Variants in ACAD11 observed in about 807,000 individuals in gnomAD.
ACAD11 encodes the protein acyl-Coenzyme A dehydrogenase family, member 11.
Under a neutral mutation model 102.2 loss-of-function variants are expected in ACAD11, and 83 were observed. The ratio of observed to expected loss-of-function variants is 0.81; its 90% CI spans 0.68 to 0.97. The LOEUF (loss-of-function observed/expected upper bound fraction) is 0.97. Among genes scored for constraint, ACAD11 ranks in the 50% least tolerant of loss-of-function variants. The pLI, the probability that ACAD11 is intolerant of heterozygous loss-of-function variation, is 0.00. For synonymous variants in ACAD11, 324 were observed against 319.8 expected, an observed-to-expected ratio of 1.01 and a Z score of -0.14; for missense variants, 901 against 951.7, an observed-to-expected ratio of 0.95 and a Z score of 0.70.
chr3:132,582,339 T>A (rs1576558336), intron 13 of ACAD11, among the ~76,000 whole-genome samples: 2 of 145,164 alleles, frequency 1.4e-5, no homozygotes, highest in African/African-American at 2.5e-5. Context: ...CAGAAACTGT[T>A]AAAAAAAAAA....
chr3:132,590,400 G>A (rs1323924650), intron 13 of ACAD11, among the ~76,000 whole-genome samples: 1 of 152,124 alleles, frequency 6.6e-6, no homozygotes, highest in African/African-American at 2.4e-5. Flanking sequence ...TGGGATTACA[G>A]GCATGGCCAC....
rs1307851009 is a variant in ACAD11 at position 132,559,892 on chromosome 3, G to A, written c.2169C>T (p.Asp723=). 1 of 1,613,730 alleles carries A rather than the reference G, an allele frequency of 6.2e-7. No homozygotes were observed. The change falls in exon 19 of 20, where the codon GAC becomes GAT. Residue 723 remains aspartate (D), a synonymous_variant. Transcript: ENST00000264990. The stretch of plus-strand genomic sequence containing the variant: ...CACCTCCGCACACCTGGATGGCCCA[G>A]TCAACGATTTTGCTGACAGCCCGTG... ...AAPRAVSKIV[D]WAIQVCGGAG...
intron 11 of ACAD11, among the ~76,000 whole-genome samples, chr3:132,614,669 T>C (rs1310799470): frequency 6.6e-6 from 1 of 152,104 alleles, no homozygotes; most frequent in African/African-American, 2.4e-5. Context: ...TATGCAAAAA[T>C]TAACTCAAGA....
At chr3:132,616,028 C>A (rs1225147738) in intron 11 of ACAD11, among the ~76,000 whole-genome samples, 1 of 152,128 alleles carries the variant, frequency 6.6e-6, no homozygotes, top group African/African-American at 2.4e-5. Flanking sequence ...ACTTAAGAAA[C>A]CTCTCGAAGT....
chr3:132,623,274 T>C (rs894150350), intron 9 of ACAD11, among the ~76,000 whole-genome samples: 2 of 152,210 alleles, frequency 1.3e-5, no homozygotes, highest in Admixed American at 1.3e-4. Flanking sequence ...GTTAAAGTAT[T>C]GTATTATATG....
chr3:132,650,658 A>T, intron 1 of ACAD11, among the ~76,000 whole-genome samples: 1 of 152,196 alleles, frequency 6.6e-6, no homozygotes, highest in East Asian at 1.9e-4. Flanking sequence ...TAAAGTTGGC[A>T]TCACTAAAAA....
At chr3:132,571,694 TC>T (rs1485615804) in intron 17 of ACAD11, among the ~76,000 whole-genome samples, 1 of 152,070 alleles carries the variant, frequency 6.6e-6, no homozygotes, top group Non-Finnish European at 1.5e-5. Context: ...CAGCAACACA[TC>T]AAAAGGCTTA....
chr3:132,638,724 T>A (rs1471970398), intron 5 of ACAD11, among the ~76,000 whole-genome samples: 2 of 152,246 alleles, frequency 1.3e-5, no homozygotes, highest in East Asian at 3.8e-4. Flanking sequence ...TTCAGGCATA[T>A]GCTTTTATAA....
intron 5 of ACAD11, among the ~76,000 whole-genome samples, chr3:132,632,179 G>T (rs899156461): frequency 2.0e-5 from 3 of 151,720 alleles, no homozygotes; most frequent in Non-Finnish European, 2.9e-5. Context: ...CGCCTCCCGG[G>T]TTCACACCAT....
chr3:132,623,452 T>C (rs1939680683), intron 9 of ACAD11, among the ~76,000 whole-genome samples: 1 of 152,190 alleles, frequency 6.6e-6, no homozygotes, highest in Admixed American at 6.5e-5. Context: ...ACACAGAGAT[T>C]TGTATTGTTC....
chr3:132,584,451 GTC>G (rs1305310591), intron 13 of ACAD11, among the ~76,000 whole-genome samples: 2 of 152,134 alleles, frequency 1.3e-5, no homozygotes, highest in Non-Finnish European at 2.9e-5. Flanking sequence ...GCCTATGTGT[GTC>G]TCTGCACGTG....
At chr3:132,577,895 A>C (rs896901952) in intron 15 of ACAD11, among the ~76,000 whole-genome samples, 1 of 152,066 alleles carries the variant, frequency 6.6e-6, no homozygotes, top group Non-Finnish European at 1.5e-5. Context: ...GCAACCCAAC[A>C]ATTTCCTACA....
intron 5 of ACAD11, among the ~76,000 whole-genome samples, chr3:132,636,112 C>T (rs576675807): frequency 6.6e-6 from 1 of 152,050 alleles, no homozygotes; most frequent in Non-Finnish European, 1.5e-5. Context: ...AGCTATAAAA[C>T]AACAGCCAGT....
At chr3:132,588,137 TC>T (rs1485253850) in intron 13 of ACAD11, among the ~76,000 whole-genome samples, 1 of 152,146 alleles carries the variant, frequency 6.6e-6, no homozygotes, top group African/African-American at 2.4e-5. Flanking sequence ...AAATTTTGAC[TC>T]CCCTACAAAA....
chr3:132,651,113 A>G (rs750186972), intron 1 of ACAD11, among the ~76,000 whole-genome samples: 1 of 152,186 alleles, frequency 6.6e-6, no homozygotes, highest in Non-Finnish European at 1.5e-5. Flanking sequence ...TTTTTCCCAC[A>G]TCAGTCTTCT....
Position 132,632,595 on chromosome 3 carries a change from T to A in ACAD11, c.703-1116A>T, listed in dbSNP as rs140163451. On this transcript the variant is annotated intron_variant, in intron 5 of 19. Transcript: ENST00000264990. The stretch of plus-strand genomic sequence containing the variant: ...TGGTTCCATATGAACTTTAAAGCAG[T>A]TTTTTCCAATTCTGTGAAGAAAGTC... Among the ~76,000 whole-genome samples, 647 of 152,296 alleles carry A rather than the reference T, an allele frequency of 4.2e-3. 8 individuals are homozygous for A. Among genetic ancestry groups the A allele is most frequent in the African/African-American group, 0.014 (568 of 41,548 alleles).
intron 17 of ACAD11, among the ~76,000 whole-genome samples, chr3:132,561,468 T>C (rs1404475858): frequency 1.8e-4 from 27 of 152,194 alleles, no homozygotes; most frequent in Non-Finnish European, 4.4e-5. Flanking sequence ...AGAAAAATCA[T>C]TTATTTTGGA....
At chr3:132,611,511 G>A (rs1014936503) in intron 11 of ACAD11, among the ~76,000 whole-genome samples, 2 of 152,172 alleles carry the variant, frequency 1.3e-5, no homozygotes, top group African/African-American at 4.8e-5. Flanking sequence ...AAGCTGATAA[G>A]CCGCTTCAGC....
rs1382215895 is a variant in ACAD11, at chr3:132,613,460, C to T, written c.1414+5174G>A. Reference sequence around the variant, plus strand: ...AGAAAACCAGCACAAGACAAAGATGCCCTCTCTCACCACTCCTATTCAACA... The same window carrying T: ...AGAAAACCAGCACAAGACAAAGATGTCCTCTCTCACCACTCCTATTCAACA... On this transcript the variant is annotated intron_variant, in intron 11 of 19. Transcript: ENST00000264990. 2.0e-5 allele frequency among the ~76,000 whole-genome samples: 3 copies of T among 151,862 alleles called. 1 individual carries two copies. Among genetic ancestry groups the T allele is most frequent in the African/African-American group, 7.3e-5 (3 of 41,234 alleles).
Sources: gnomAD v4.1 joint callset for allele counts (sites outside exome capture counted in the v4.1 genomes callset) on GRCh38, gnomAD v4.1.1 for gene constraint, MANE v1.5 for transcripts, NCBI Gene and HGNC (gene_info 2026-07-23, HGNC 2026-07-21) for gene names.